GPR26: variants seen among roughly 807,000 people sequenced by gnomAD.
GPR26 encodes G protein-coupled receptor 26.
A neutral mutation model predicts 23.1 loss-of-function variants in GPR26; 15 were observed. The observed-to-expected ratio is 0.65, with a 90% CI of 0.43 to 1.00. The LOEUF (loss-of-function observed/expected upper bound fraction) is 1.00, where lower values mean the gene tolerates loss of function less well. Among genes scored for constraint, GPR26 ranks in the 50% least tolerant of loss-of-function variants. The probability of loss-of-function intolerance (pLI) is 0.00; values close to 1 mark genes in which losing one functional copy is unlikely to be tolerated. For missense variants in GPR26, 359 were observed against 470.5 expected (o/e 0.76, Z 2.19); for synonymous variants, 228 against 222.1 (o/e 1.03, Z -0.24).
Position 123,674,666 on chromosome 10 carries a change from C to T in GPR26, c.669-152C>T. On this transcript the variant is annotated intron_variant, in intron 1 of 2. Transcript: ENST00000284674. This position sits in a 1 kb window ranked among gnomAD's most constrained non-coding sequence, Gnocchi z 4.1. Reference sequence around the variant, plus strand: ...TAATGTCACACTGCTTGCCCAAGGTCAATAGCTACAGCCAAGAGTTGACGC... The same window carrying T: ...TAATGTCACACTGCTTGCCCAAGGTTAATAGCTACAGCCAAGAGTTGACGC... 1.8e-6 allele frequency: 1 copy of T among 567,944 alleles called. No homozygotes were observed. The highest frequency in any genetic ancestry group is 3.2e-6 in the Non-Finnish European group (1 of 314,008). 35.2% of individuals were successfully genotyped at this position (567,944 alleles called of 1,614,324 possible). A position where few individuals can be genotyped will look rare whatever the true frequency, so the allele number is the denominator to read the frequency against.
Position 123,667,029 on chromosome 10 carries a change from G to T in GPR26, c.622G>T (p.Val208Leu). 6.2e-7 allele frequency: 1 copy of T among 1,608,622 alleles called. No homozygotes were observed. Among genetic ancestry groups the T allele is most frequent in the Non-Finnish European group, 8.5e-7 (1 of 1,177,702 alleles). ...CCGCTTCCATTGCAAGCGCATCGAC[G>T]TGATCACCATGCAGACGCTGGTGCT... ...VARFHCKRID[V>L]ITMQTLVLLV... The change falls in exon 1 of 3, where the codon GTG becomes TTG. Residue 208 changes from valine (V) to leucine (L), a missense_variant. By Grantham distance (32) the Val-to-Leu change is conservative. Transcript: ENST00000284674.
In GPR26 at chr10:123,694,416, A is replaced by T. The variant is rs1383028344; in HGVS notation, c.*6256A>T. On this transcript the variant is annotated 3_prime_UTR_variant, in exon 3 of 3. Transcript: ENST00000284674. ...CTGAACGTGATGATGATCTGTGGCC[A>T]GTGGGAGATGATAGAAGTCTTGAGG... The T allele has an allele frequency of 6.6e-6, 1 of 152,424 alleles. No homozygotes were observed. The highest frequency in any genetic ancestry group is 1.5e-5 in the Non-Finnish European group (1 of 68,136). The allele number at this position is 152,424 out of a possible 1,614,324, so 9.4% of individuals were successfully genotyped here. A position where few individuals can be genotyped will look rare whatever the true frequency, so the allele number is the denominator to read the frequency against.
At chr10:123,683,774 A>G (rs1194876526) in intron 2 of GPR26, among the ~76,000 whole-genome samples, 3 of 152,190 alleles carry the variant, frequency 2.0e-5, no homozygotes, top group Non-Finnish European at 4.4e-5. Context: ...CTGTCAGAAC[A>G]TAGGAGTACA....
At chr10:123,669,321 C>A (rs995651971) in intron 1 of GPR26, among the ~76,000 whole-genome samples, 1 of 152,222 alleles carries the variant, frequency 6.6e-6, no homozygotes, top group African/African-American at 2.4e-5. Flanking sequence ...GTGGGAGGGA[C>A]AACACAGGAG....
At chr10:123,679,948 G>A (rs1398298961) in intron 2 of GPR26, among the ~76,000 whole-genome samples, 2 of 152,230 alleles carry the variant, frequency 1.3e-5, no homozygotes, top group East Asian at 3.8e-4. Context: ...CCTGGGGCAG[G>A]CAGAAGCCTG....
chr10:123,667,991 C>T (rs1460561711), intron 1 of GPR26, among the ~76,000 whole-genome samples: 1 of 152,176 alleles, frequency 6.6e-6, no homozygotes, highest in Non-Finnish European at 1.5e-5. Context: ...ATTTTACATC[C>T]TGTTGTCCCA....
Position 123,696,700 on chromosome 10 carries a change from G to T in GPR26, c.*8540G>T, listed in dbSNP as rs569640223. 4.6e-5 allele frequency among the ~76,000 whole-genome samples: 7 copies of T among 152,296 alleles called. No homozygotes were observed. The East Asian group carries it at 1.2e-3, about 25-fold the overall frequency. ...ATGTCAGACTCTTAGGAAAATGGGTGGGACATCTGTGTGTTTGTGTTGGAG... is the reference window on the plus strand; with the variant it reads ...ATGTCAGACTCTTAGGAAAATGGGTTGGACATCTGTGTGTTTGTGTTGGAG... On this transcript the variant is annotated 3_prime_UTR_variant, in exon 3 of 3. Coordinates refer to ENST00000284674, the MANE Select transcript of GPR26 (RefSeq NM_153442.4).
At chr10:123,669,469 G>T (rs1273490777) in intron 1 of GPR26, among the ~76,000 whole-genome samples, 1 of 152,166 alleles carries the variant, frequency 6.6e-6, no homozygotes, top group Non-Finnish European at 1.5e-5. Context: ...GTCTCAGGCA[G>T]TGAGCCTCTC....
intron 1 of GPR26, among the ~76,000 whole-genome samples, chr10:123,670,047 C>T (rs1032146277): frequency 1.3e-5 from 2 of 152,156 alleles, no homozygotes; most frequent in African/African-American, 4.8e-5. Context: ...CCTTGCTCTT[C>T]CCTGACTCAC....
In GPR26 at chr10:123,692,170, AGCTG is replaced by A. The variant is rs1263955891; in HGVS notation, c.*4018_*4021del. 1.3e-5 allele frequency: 2 copies of A among 152,252 alleles called. No individual in the cohort carries two copies. Among genetic ancestry groups the A allele is most frequent in the Non-Finnish European group, 2.9e-5 (2 of 68,070 alleles). 9.4% of individuals were successfully genotyped at this position (152,252 alleles called of 1,614,324 possible). A position where few individuals can be genotyped will look rare whatever the true frequency, so the allele number is the denominator to read the frequency against. On this transcript the variant is annotated 3_prime_UTR_variant, in exon 3 of 3. Transcript: ENST00000284674. Reference sequence around the variant, plus strand: ...TTGGGGTACTGGCAGAGGATGGCAGAGCTGGCTGGCTCTGAGCCAGGAAGCCTTG... The same window carrying A: ...TTGGGGTACTGGCAGAGGATGGCAGAGCTGGCTCTGAGCCAGGAAGCCTTG...
In GPR26 at chr10:123,667,045, C is replaced by T. The variant is rs963755360; in HGVS notation, c.638C>T (p.Thr213Met). The T allele has an allele frequency of 3.7e-6, 6 of 1,600,868 alleles. No individual in the cohort carries two copies. In the African/African-American group the frequency reaches 4.0e-5, roughly 11 times the overall value. The change falls in exon 1 of 3, where the codon ACG becomes ATG. Residue 213 changes from threonine to methionine, a missense_variant. Thr to Met is a moderately conservative substitution (Grantham distance 81, BLOSUM62 -1). Coordinates refer to ENST00000284674, the MANE Select transcript of GPR26 (RefSeq NM_153442.4). The part of the protein sequence containing the change: ...CKRIDVITMQ[T>M]LVLLVDLHPS... The stretch of plus-strand genomic sequence containing the variant: ...CGCATCGACGTGATCACCATGCAGA[C>T]GCTGGTGCTGCTGGTGGACCTGCAC...
rs1215701645 is a variant in GPR26 at position 123,689,125 on chromosome 10, A to G, written c.*965A>G. On this transcript the variant is annotated 3_prime_UTR_variant, in exon 3 of 3. Coordinates refer to ENST00000284674, the MANE Select transcript of GPR26 (RefSeq NM_153442.4). ...GGCCTGAGCAGGGATTTTTGCCTTGATTTTAAGTCACTGGGTTCCATTGTC... is the reference window on the plus strand; with the variant it reads ...GGCCTGAGCAGGGATTTTTGCCTTGGTTTTAAGTCACTGGGTTCCATTGTC... 6.6e-6 allele frequency: 1 copy of G among 152,120 alleles called. No homozygotes were observed. The highest frequency in any genetic ancestry group is 1.5e-5 in the Non-Finnish European group (1 of 68,014). The allele number at this position is 152,120 out of a possible 1,614,324, so 9.4% of individuals were successfully genotyped here. A position where few individuals can be genotyped will look rare whatever the true frequency, so the allele number is the denominator to read the frequency against.
Position 123,690,847 on chromosome 10 carries a change from T to C in GPR26, c.*2687T>C, listed in dbSNP as rs752297373. ...TTAATTTAATTTATCAAAGGTAACA[T>C]TGTTTTCTCAGGTATAACACATAGA... On this transcript the variant is annotated 3_prime_UTR_variant, in exon 3 of 3. Coordinates refer to ENST00000284674, the MANE Select transcript of GPR26 (RefSeq NM_153442.4). 2.0e-5 allele frequency: 3 copies of C among 152,242 alleles called. No individual in the cohort carries two copies. The highest frequency in any genetic ancestry group is 2.9e-5 in the Non-Finnish European group (2 of 68,048). The allele number at this position is 152,242 out of a possible 1,614,324, so 9.4% of individuals were successfully genotyped here.
Position 123,672,726 on chromosome 10 carries a change from G to A in GPR26, c.669-2092G>A, listed in dbSNP as rs560248751. On this transcript the variant is annotated intron_variant, in intron 1 of 2. Transcript: ENST00000284674. ...CTGCCATCACCTAGAGTGACGAACC[G>A]TCCTGGTTTGCCCGAGGTAGAGGAG... Among the ~76,000 whole-genome samples, 91 of 152,274 alleles carry A rather than the reference G, an allele frequency of 6.0e-4. 1 individual carries two copies. The highest frequency in any genetic ancestry group is 2.0e-3 in the African/African-American group (83 of 41,548).
Position 123,695,541 on chromosome 10 carries a change from A to G in GPR26, c.*7381A>G, listed in dbSNP as rs1002732975. Among the ~76,000 whole-genome samples, 5 of 152,168 alleles carry G rather than the reference A, an allele frequency of 3.3e-5. No homozygotes were observed. The highest frequency in any genetic ancestry group is 9.7e-5 in the African/African-American group (4 of 41,438). On this transcript the variant is annotated 3_prime_UTR_variant, in exon 3 of 3. Coordinates refer to ENST00000284674, the MANE Select transcript of GPR26 (RefSeq NM_153442.4). Reference sequence around the variant, plus strand: ...GTCTTATCCCGGACAATCCTCAGGGATTGGGTTTGATGTCGGGGGAGCATT... The same window carrying G: ...GTCTTATCCCGGACAATCCTCAGGGGTTGGGTTTGATGTCGGGGGAGCATT...
chr10:123,667,158 T>C, intron 1 of GPR26, 83 bp downstream of exon 1: 1 of 1,026,422 alleles, frequency 9.7e-7, no homozygotes, highest in Non-Finnish European at 1.4e-6. Flanking sequence ...CAGGGGCTCT[T>C]TTCCACCGAG....
At position 123,690,665 on chromosome 10, in the gene GPR26, C is replaced by T. The variant is rs919280696; in HGVS notation, c.*2505C>T. 3.3e-5 allele frequency: 5 copies of T among 152,144 alleles called. No homozygotes were observed. The highest frequency in any genetic ancestry group is 2.0e-4 in the Admixed American group (3 of 15,278). The allele number at this position is 152,144 out of a possible 1,614,324, so 9.4% of individuals were successfully genotyped here. On this transcript the variant is annotated 3_prime_UTR_variant, in exon 3 of 3. Coordinates refer to ENST00000284674, the MANE Select transcript of GPR26 (RefSeq NM_153442.4). ...TTATTTGGACACATGAATTAAATCC[C>T]AAGGGAAAGTGAGAAGAAAATTAAT...
At position 123,669,607 on chromosome 10, in the gene GPR26, T is replaced by A. The variant is rs115442051; in HGVS notation, c.668+2532T>A. Among the ~76,000 whole-genome samples, 836 of 152,282 alleles carry A rather than the reference T, an allele frequency of 5.5e-3. 5 individuals carry two copies. The highest frequency in any genetic ancestry group is 0.019 in the African/African-American group (786 of 41,558). On this transcript the variant is annotated intron_variant, in intron 1 of 2. Coordinates refer to ENST00000284674, the MANE Select transcript of GPR26 (RefSeq NM_153442.4). ...TTGCTCACTGGAAGTTTTGTCAGCC[T>A]CCACACTGATGGCCTGCTAGGACTT... is the stretch of plus-strand genomic sequence containing the variant.
intron 2 of GPR26, among the ~76,000 whole-genome samples, chr10:123,678,193 G>A (rs142877036): frequency 7.2e-5 from 11 of 152,266 alleles, no homozygotes; most frequent in African/African-American, 2.6e-4. Context: ...ATTCACTAGC[G>A]GAACATTTCA....
Sources: gnomAD v4.1 joint callset for allele counts (sites outside exome capture counted in the v4.1 genomes callset) on GRCh38, gnomAD v4.1.1 for gene constraint, Gnocchi (gnomAD v3.1) non-coding constraint, MANE v1.5 for transcripts, NCBI Gene and HGNC (gene_info 2026-07-23, HGNC 2026-07-21) for gene names.